The following SCN9A variants were observed in gnomAD, a reference collection of about 807,000 sequenced individuals.
The protein encoded by SCN9A is sodium voltage-gated channel alpha subunit 9, also known as sodium channel protein type 9 subunit alpha.
SCN9A carries 131 observed loss-of-function variants against 187.0 expected under a neutral mutation model. The observed-to-expected ratio is 0.70, with a 90% CI of 0.61 to 0.81. The LOEUF is 0.81. Among genes scored for constraint, SCN9A ranks in the 30% least tolerant of loss-of-function variants. The pLI is 0.00. For synonymous variants in SCN9A, 809 were observed against 808.6 expected (o/e 1.00, Z -0.01); for missense variants, 2,252 against 2,396.6 (o/e 0.94, Z 1.26).
chr2:166,255,277 A>C (rs73019687), intron 17 of SCN9A, among the ~76,000 whole-genome samples: 1,886 of 151,658 alleles, frequency 0.012, 43 homozygotes, highest in African/African-American at 0.043. Context: ...CCAAATTAAA[A>C]GCTTTATTAT....
intron 1 of SCN9A, among the ~76,000 whole-genome samples, chr2:166,346,230 A>C (rs1218656477): frequency 3.3e-5 from 5 of 152,174 alleles, no homozygotes; most frequent in African/African-American, 1.2e-4. Context: ...ATAGGCCATA[A>C]AAATTGAATA....
chr2:166,224,197 G>A (rs1168394327), intron 24 of SCN9A, among the ~76,000 whole-genome samples: 3 of 152,124 alleles, frequency 2.0e-5, no homozygotes, highest in South Asian at 2.1e-4. Context: ...AGGGAAGACT[G>A]AGGAATTACT....
At chr2:166,231,188 G>A (rs1695067189) in intron 21 of SCN9A, among the ~76,000 whole-genome samples, 1 of 152,168 alleles carries the variant, frequency 6.6e-6, no homozygotes, top group Non-Finnish European at 1.5e-5. Context: ...GGAAAGTTGT[G>A]ATAGATTGTA....
chr2:166,217,629 C>G (rs1433601503), intron 24 of SCN9A, among the ~76,000 whole-genome samples: 2 of 152,016 alleles, frequency 1.3e-5, no homozygotes, highest in Non-Finnish European at 2.9e-5. Context: ...CATCTCTAAT[C>G]ATCAGAAAAA....
At chr2:166,264,300 G>T (rs1462645457) in intron 17 of SCN9A, among the ~76,000 whole-genome samples, 1 of 151,902 alleles carries the variant, frequency 6.6e-6, no homozygotes, top group Non-Finnish European at 1.5e-5. Context: ...CCTGTGTAGT[G>T]TGTTGTTAAT....
intron 17 of SCN9A, among the ~76,000 whole-genome samples, chr2:166,265,672 A>G (rs1362020852): frequency 6.6e-6 from 1 of 152,002 alleles, no homozygotes; most frequent in Non-Finnish European, 1.5e-5. Flanking sequence ...ACTAATTTAC[A>G]TTCTCACAAT....
rs777397007 is a variant in SCN9A at position 166,226,672 on chromosome 2, G to A, written c.4293C>T (p.Leu1431=). The A allele has an allele frequency of 1.3e-6, 2 of 1,585,440 alleles. No individual in the cohort carries two copies. Among genetic ancestry groups the A allele is most frequent in the Non-Finnish European group, 1.7e-6 (2 of 1,166,730 alleles). ...AGACGACAAAATAAATATACATGTA[G>A]AGGCTATATTCATATTTGGGCTGCT... The part of the protein sequence containing the change: ...VDKQPKYEYS[L]YMYIYFVVFI... The change falls in exon 24 of 27, where the codon CTC becomes CTT. Residue 1431 remains leucine (L), a synonymous_variant. Coordinates refer to ENST00000642356, the MANE Select transcript of SCN9A (RefSeq NM_001365536.1).
At chr2:166,292,815 A>G (rs946334569) in intron 9 of SCN9A, among the ~76,000 whole-genome samples, 3 of 152,198 alleles carry the variant, frequency 2.0e-5, no homozygotes, top group African/African-American at 7.2e-5. Context: ...AATGAATTGC[A>G]TCTTTAACTT....
rs1695409966 is a variant in SCN9A, at chr2:166,238,280, T to C, written c.3628-13A>G. On this transcript the variant is annotated splice_polypyrimidine_tract_variant and intron_variant, in intron 19 of 26. Transcript: ENST00000642356. ...TATCTTCAAAAGCCTGTGGAAATAA[T>C]ATTCAAGTTTCAATCATGCACAACT... 1 of 1,507,746 alleles carries C rather than the reference T, an allele frequency of 6.6e-7. No individual in the cohort carries two copies. 93.4% of individuals were successfully genotyped at this position (1,507,746 alleles called of 1,614,324 possible).
At chr2:166,339,430 T>C (rs1699711435) in intron 1 of SCN9A, among the ~76,000 whole-genome samples, 4 of 152,100 alleles carry the variant, frequency 2.6e-5, no homozygotes, top group Admixed American at 2.6e-4. Context: ...TACTTTAAGA[T>C]ATGAAAAAAT....
chr2:166,338,941 A>AG (rs376437229), intron 1 of SCN9A, among the ~76,000 whole-genome samples: 2 of 146,916 alleles, frequency 1.4e-5, no homozygotes, highest in African/African-American at 2.5e-5. Flanking sequence ...AGGCCAGTAT[A>AG]GAAAAAAAAG....
intron 1 of SCN9A, among the ~76,000 whole-genome samples, chr2:166,331,014 CA>C (rs1699490184): frequency 6.6e-6 from 1 of 152,060 alleles, no homozygotes; most frequent in Non-Finnish European, 1.5e-5. Context: ...TGCAAAAATA[CA>C]AGGGCAAATT....
At chr2:166,338,222 G>A (rs1190441336) in intron 1 of SCN9A, among the ~76,000 whole-genome samples, 1 of 152,046 alleles carries the variant, frequency 6.6e-6, no homozygotes, top group Non-Finnish European at 1.5e-5. Context: ...TGTCTCACAT[G>A]AACCCTTATC....
At chr2:166,250,482 T>G (rs1295494985) in intron 18 of SCN9A, among the ~76,000 whole-genome samples, 1 of 152,132 alleles carries the variant, frequency 6.6e-6, no homozygotes, top group African/African-American at 2.4e-5. Flanking sequence ...AACAAGATTT[T>G]AAATTGTGCA....
At chr2:166,287,341 A>G (rs539060530) in intron 10 of SCN9A, among the ~76,000 whole-genome samples, 1 of 152,200 alleles carries the variant, frequency 6.6e-6, no homozygotes, top group South Asian at 2.1e-4. Context: ...ATCGGACTAT[A>G]TTATTTAATC....
In SCN9A at chr2:166,374,199, A is replaced by G. The variant is rs75848558; in HGVS notation, c.-51+1498T>C. ...CTCTGTGAGCCTAGCCCTGCACCAT[A>G]GGAATCAAGGCATATCATATATCCA... On this transcript the variant is annotated intron_variant, in intron 1 of 26. Coordinates refer to ENST00000642356, the MANE Select transcript of SCN9A (RefSeq NM_001365536.1). 6.5e-3 allele frequency among the ~76,000 whole-genome samples: 994 copies of G among 152,352 alleles called. 9 individuals carry two copies. The highest frequency in any genetic ancestry group is 0.023 in the African/African-American group (941 of 41,582).
chr2:166,273,116 G>A (rs1200118559), intron 16 of SCN9A, among the ~76,000 whole-genome samples: 1 of 151,914 alleles, frequency 6.6e-6, no homozygotes, highest in Non-Finnish European at 1.5e-5. Flanking sequence ...CCATACCCAG[G>A]AAGAATTACC....
At chr2:166,308,385 G>A (rs6757502) in intron 2 of SCN9A, among the ~76,000 whole-genome samples, 97,088 of 151,882 alleles carry the variant, frequency 0.64, 31,580 homozygotes, top group African/African-American at 0.73. Context: ...GGTTTCCCCA[G>A]TGCTGTTCTC....
At chr2:166,297,199 A>AAAAAAAAAAAAAAAAAAAAT (rs1698350185) in intron 7 of SCN9A, among the ~76,000 whole-genome samples, 1 of 78,104 alleles carries the variant, frequency 1.3e-5, no homozygotes, top group Non-Finnish European at 2.5e-5. Flanking sequence ...TCCATCTCAA[A>AAAAAAAAAAAAAAAAAAAAT]AAAAAAAAAA....
Sources: allele counts gnomAD v4.1 joint callset (sites outside exome capture counted in the v4.1 genomes callset), GRCh38; gene constraint gnomAD v4.1.1; transcripts MANE v1.5; gene names NCBI Gene and HGNC (gene_info 2026-07-23, HGNC 2026-07-21).